Variants in GRM5 observed in about 807,000 individuals in gnomAD.
GRM5 encodes the protein metabotropic glutamate receptor 5.
In GRM5, 19 loss-of-function variants were observed where a neutral mutation model predicts 83.1. That is an observed-to-expected ratio of 0.23 (90% CI 0.16 to 0.34). The LOEUF is 0.34. Ranked by LOEUF, GRM5 falls within the 10% of genes least tolerant of loss-of-function variation. The pLI is 1.00. For missense variants in GRM5, 1,160 were observed against 1,588.3 expected (o/e 0.73, Z 4.58); for synonymous variants, 675 against 633.6 (o/e 1.07, Z -0.98).
At chr11:88,745,198 C>CTTT (rs71046261) in intron 3 of GRM5, among the ~76,000 whole-genome samples, 3 of 86,450 alleles carry the variant, frequency 3.5e-5, no homozygotes, top group Admixed American at 1.4e-4. Context: ...TTTTATTTTT[C>CTTT]TTTTTTTTTT....
intron 2 of GRM5, among the ~76,000 whole-genome samples, chr11:88,910,852 T>C (rs2135608975): frequency 6.6e-6 from 1 of 152,160 alleles, no homozygotes; most frequent in East Asian, 1.9e-4. Context: ...CGTATTTTTT[T>C]TTTGTTTCAG....
chr11:89,060,710 A>G (rs965313233), intron 1 of GRM5, among the ~76,000 whole-genome samples: 2 of 152,134 alleles, frequency 1.3e-5, no homozygotes, highest in African/African-American at 4.8e-5. Flanking sequence ...ATCTCCTATG[A>G]ATTTAAAGGA....
chr11:88,854,513 C>T (rs867081363), intron 2 of GRM5, among the ~76,000 whole-genome samples: 22 of 152,000 alleles, frequency 1.4e-4, no homozygotes, highest in African/African-American at 4.1e-4. Context: ...TGAATTTCAT[C>T]AGCTGGGATC....
At position 89,048,074 on chromosome 11, in the gene GRM5, T is replaced by TG. The variant is rs1375994155; in HGVS notation, c.-200-3dup. On this transcript the variant is annotated splice_polypyrimidine_tract_variant and splice_region_variant and intron_variant, in intron 1 of 9. Coordinates refer to ENST00000305447, the MANE Select transcript of GRM5 (RefSeq NM_001143831.3). Reference sequence around the variant, plus strand: ...CCATGTGGTCATGATCTTCTAAACCTGAAAAAAAAAAAATAACATGGGTCT... The same window carrying TG: ...CCATGTGGTCATGATCTTCTAAACCTGGAAAAAAAAAAAATAACATGGGTCT... 1 of 507,548 alleles carries TG rather than the reference T, an allele frequency of 2.0e-6. No homozygotes were observed. Among genetic ancestry groups the TG allele is most frequent in the African/African-American group, 2.2e-5 (1 of 45,778 alleles). The allele number at this position is 507,548 out of a possible 1,614,324, so 31.4% of individuals were successfully genotyped here. A position where few individuals can be genotyped will look rare whatever the true frequency, so the allele number is the denominator to read the frequency against.
intron 2 of GRM5, among the ~76,000 whole-genome samples, chr11:88,858,369 A>G (rs1234090648): frequency 6.6e-6 from 1 of 152,074 alleles, no homozygotes; most frequent in Non-Finnish European, 1.5e-5. Flanking sequence ...ATAAAACATT[A>G]TTTAAAGGAA....
At position 88,880,272 on chromosome 11, in the gene GRM5, C is replaced by T. The variant is rs150477217; in HGVS notation, c.662-30117G>A. On this transcript the variant is annotated intron_variant, in intron 2 of 9. Coordinates refer to ENST00000305447, the MANE Select transcript of GRM5 (RefSeq NM_001143831.3). ...ACAAAAATGTGAAGAGCAAGCAATGCGTAAATATTAGGTAGAGCACATGAA... is the reference window on the plus strand; with the variant it reads ...ACAAAAATGTGAAGAGCAAGCAATGTGTAAATATTAGGTAGAGCACATGAA... 7.0e-4 allele frequency among the ~76,000 whole-genome samples: 107 copies of T among 151,812 alleles called. 1 individual carries two copies. In the East Asian group the frequency reaches 0.018, roughly 26 times the overall value.
At chr11:88,797,784 T>C (rs904513783) in intron 3 of GRM5, among the ~76,000 whole-genome samples, 5 of 151,792 alleles carry the variant, frequency 3.3e-5, no homozygotes, top group African/African-American at 1.2e-4. Context: ...TTGAATATAT[T>C]ATTTACTGCA....
chr11:88,941,743 A>T (rs892499477), intron 2 of GRM5, among the ~76,000 whole-genome samples: 3 of 152,108 alleles, frequency 2.0e-5, no homozygotes, highest in Non-Finnish European at 4.4e-5. Flanking sequence ...TTTACAATGG[A>T]GATATTTGAT....
intron 2 of GRM5, among the ~76,000 whole-genome samples, chr11:88,985,814 T>A (rs1166507333): frequency 1.3e-5 from 2 of 152,116 alleles, no homozygotes; most frequent in Admixed American, 6.6e-5. Context: ...GCTAACAAAA[T>A]AATACAAGTG....
intron 1 of GRM5, among the ~76,000 whole-genome samples, chr11:89,055,647 T>G (rs1353084742): frequency 1.3e-5 from 2 of 152,002 alleles, no homozygotes; most frequent in African/African-American, 4.8e-5. Context: ...GTATCAGCTC[T>G]TATATAATTT....
chr11:88,773,399 G>T (rs1195115770), intron 3 of GRM5, among the ~76,000 whole-genome samples: 2 of 152,118 alleles, frequency 1.3e-5, no homozygotes, highest in Non-Finnish European at 2.9e-5. Flanking sequence ...TATTCTGTAG[G>T]TTGCCTGTTC....
At chr11:88,835,626 C>T (rs193269883) in intron 3 of GRM5, among the ~76,000 whole-genome samples, 1 of 151,954 alleles carries the variant, frequency 6.6e-6, no homozygotes, top group Admixed American at 6.5e-5. Flanking sequence ...ACTTGTTTTA[C>T]AGAAAAAACA....
At chr11:88,752,117 A>G (rs956470413) in intron 3 of GRM5, among the ~76,000 whole-genome samples, 7 of 152,170 alleles carry the variant, frequency 4.6e-5, no homozygotes, top group African/African-American at 1.7e-4. Flanking sequence ...ATCAGGCAAG[A>G]GAAATAAATA....
chr11:88,770,381 C>T (rs1290301575), intron 3 of GRM5, among the ~76,000 whole-genome samples: 1 of 152,006 alleles, frequency 6.6e-6, no homozygotes, highest in Non-Finnish European at 1.5e-5. Context: ...TTAATTTTAA[C>T]AAATATACTA....
At chr11:88,749,555 A>T (rs1467839007) in intron 3 of GRM5, among the ~76,000 whole-genome samples, 1 of 152,168 alleles carries the variant, frequency 6.6e-6, no homozygotes, top group Admixed American at 6.6e-5. Context: ...CCAACCTAGC[A>T]AGGCAGGCCA....
chr11:88,890,440 A>G (rs1945124458), intron 2 of GRM5, among the ~76,000 whole-genome samples: 1 of 152,090 alleles, frequency 6.6e-6, no homozygotes, highest in African/African-American at 2.4e-5. Flanking sequence ...ACAAGTGCTG[A>G]ATATTCTGTT....
At chr11:88,778,421 T>C (rs1412046797) in intron 3 of GRM5, among the ~76,000 whole-genome samples, 4 of 152,222 alleles carry the variant, frequency 2.6e-5, no homozygotes, top group African/African-American at 7.2e-5. Context: ...GGTGAGGTGA[T>C]GCCCCACCCT....
In GRM5 at chr11:88,869,140, T is replaced by C. The variant is rs1944720669; in HGVS notation, c.662-18985A>G. On this transcript the variant is annotated intron_variant, in intron 2 of 9. Transcript: ENST00000305447. The stretch of plus-strand genomic sequence containing the variant: ...AAGCAGCCAATGTGGCTCCTTTTTT[T>C]CCTTTAATCTCAAGATATCTGTAAT... Among the ~76,000 whole-genome samples the C allele has an allele frequency of 2.0e-5, 3 of 151,676 alleles. No individual in the cohort carries two copies. The Admixed American group carries it at 2.0e-4, about 10-fold the overall frequency.
intron 2 of GRM5, among the ~76,000 whole-genome samples, chr11:88,861,941 C>G (rs1181760088): frequency 6.6e-6 from 1 of 152,154 alleles, no homozygotes; most frequent in Non-Finnish European, 1.5e-5. Context: ...CTCTTTATCT[C>G]AAGGGCCTAG....
Sources: gnomAD v4.1 joint callset for allele counts (sites outside exome capture counted in the v4.1 genomes callset) on GRCh38, gnomAD v4.1.1 for gene constraint, MANE v1.5 for transcripts, NCBI Gene and HGNC (gene_info 2026-07-23, HGNC 2026-07-21) for gene names.